FRAS1: variants seen among roughly 807,000 people sequenced by gnomAD.
FRAS1 encodes Fraser extracellular matrix complex subunit 1.
FRAS1 carries 290 observed loss-of-function variants against 435.2 expected under a neutral mutation model. The ratio of observed to expected loss-of-function variants is 0.67; its 90% CI spans 0.61 to 0.73. FRAS1 has a LOEUF of 0.73. FRAS1 is among the 30% of genes least tolerant of loss of function. The pLI, the probability that FRAS1 is intolerant of heterozygous loss-of-function variation, is 0.00. For missense variants in FRAS1, 4,860 were observed against 5,001.5 expected, an observed-to-expected ratio of 0.97 and a Z score of 0.85; for synonymous variants, 1,800 against 1,851.0, an observed-to-expected ratio of 0.97 and a Z score of 0.71.
chr4:78,482,634 C>G, intron 58 of FRAS1, 99 bp downstream of exon 58: 1 of 1,279,664 alleles, frequency 7.8e-7, no homozygotes, highest in Non-Finnish European at 1.1e-6. Flanking sequence ...CATTTTCATT[C>G]AAGAAATATG....
In FRAS1 at chr4:78,450,284, G is replaced by T. The variant is rs753066718; in HGVS notation, c.6408G>T (p.Glu2136Asp). Residue 2136 changes from glutamate to aspartate, a missense_variant, in exon 45 of 74, where the codon GAG becomes GAT. By Grantham distance (45) the Glu-to-Asp change is conservative. Coordinates refer to ENST00000512123, the MANE Select transcript of FRAS1 (RefSeq NM_025074.7). ...AGATGATGAAGCATGGCAACCTGGA[G>T]CAAATTTCTATTAAAGGCCCCATCC... ...RLQMMKHGNL[E>D]QISIKGPIRS... The T allele has an allele frequency of 1.2e-6, 2 of 1,613,868 alleles. No homozygotes were observed. Among genetic ancestry groups the T allele is most frequent in the South Asian group, 2.2e-5 (2 of 91,078 alleles).
intron 14 of FRAS1, among the ~76,000 whole-genome samples, chr4:78,295,757 T>G (rs1394161610): frequency 6.6e-6 from 1 of 151,930 alleles, no homozygotes. Flanking sequence ...TCTTTTTTTT[T>G]TTTTTTAGAT....
intron 2 of FRAS1, chr4:78,181,393 A>G: frequency 2.5e-6 from 4 of 1,611,876 alleles, no homozygotes; most frequent in Non-Finnish European, 3.4e-6. Context: ...GAGATCCGCT[A>G]CCTCCACGTT....
rs777810320 is a variant in FRAS1, at chr4:78,464,472, C to A, written c.6918C>A (p.His2306Gln). The stretch of plus-strand genomic sequence containing the variant: ...CTCAGACTTTCCATATCACTCTTCA[C>A]CCTGTCGATGATTCGCTGCCCGTCG... Reference protein sequence around the residue: ...EVTQTFHITLHPVDDSLPVVQ... With the variant: ...EVTQTFHITLQPVDDSLPVVQ... Residue 2306 changes from histidine to glutamine, a missense_variant, in exon 49 of 74, where the codon CAC becomes CAA. By Grantham distance (24) the His-to-Gln change is conservative (BLOSUM62 0). Coordinates refer to ENST00000512123, the MANE Select transcript of FRAS1 (RefSeq NM_025074.7). 4.3e-6 allele frequency: 7 copies of A among 1,613,908 alleles called. No homozygotes were observed. The South Asian group carries it at 6.6e-5, about 15-fold the overall frequency.
chr4:78,090,083 G>GTTT (rs11419507), intron 2 of FRAS1, among the ~76,000 whole-genome samples: 1 of 152,030 alleles, frequency 6.6e-6, no homozygotes, highest in South Asian at 2.1e-4. Context: ...TTGCAAACTT[G>GTTT]TGACTGAGAA....
rs369759058 is a variant in FRAS1, at chr4:78,438,622, C to T, written c.5270C>T (p.Ser1757Leu). Reference sequence around the variant, plus strand: ...TGGATTCAGTTAAATTATCTGCCCTCATATGGTACTCTCTTAAGAATCTCA... The same window carrying T: ...TGGATTCAGTTAAATTATCTGCCCTTATATGGTACTCTCTTAAGAATCTCA... ...EIWIQLNYLP[S>L]YGTLLRISGS... Residue 1757 changes from serine to leucine, a missense_variant, in exon 39 of 74, where the codon TCA (serine) becomes TTA (leucine). Ser to Leu is a moderately radical substitution (Grantham distance 145, BLOSUM62 -2). Transcript: ENST00000512123. The T allele has an allele frequency of 6.2e-7, 1 of 1,613,772 alleles. No homozygotes were observed. Among genetic ancestry groups the T allele is most frequent in the Non-Finnish European group, 8.5e-7 (1 of 1,179,722 alleles).
intron 59 of FRAS1, among the ~76,000 whole-genome samples, chr4:78,489,604 T>C (rs1720280574): frequency 6.6e-6 from 1 of 152,206 alleles, no homozygotes; most frequent in African/African-American, 2.4e-5. Context: ...ACAATATTTT[T>C]AATGATGTCA....
intron 16 of FRAS1, among the ~76,000 whole-genome samples, chr4:78,316,812 A>C (rs528271581): frequency 3.9e-5 from 6 of 152,360 alleles, no homozygotes; most frequent in African/African-American, 1.4e-4. Flanking sequence ...CACTGTGCTC[A>C]TGCCAAGAAA....
At chr4:78,393,378 ATATCT>A (rs1732528468) in intron 29 of FRAS1, among the ~76,000 whole-genome samples, 1 of 148,644 alleles carries the variant, frequency 6.7e-6, no homozygotes. Flanking sequence ...GTTACATAAA[ATATCT>A]TATAATAGTC....
chr4:78,482,389 A>G lies in FRAS1; in HGVS notation c.8606A>G (p.Tyr2869Cys). 1.2e-6 allele frequency: 2 copies of G among 1,613,724 alleles called. No homozygotes were observed. The highest frequency in any genetic ancestry group is 8.5e-7 in the Non-Finnish European group (1 of 1,179,778). ...VEFGPGVIEQ[Y>C]CTLTILDDTQ... ...AGTTTGCTTTGGTTTCTCTTCTAGT[A>G]TTGCACCTTGACTATCTTGGATGAC... Residue 2869 changes from tyrosine (Y) to cysteine (C), a missense_variant and splice_region_variant, in exon 58 of 74, where the codon TAT (tyrosine) becomes TGT (cysteine). Physicochemically the swap from Tyr to Cys is radical, Grantham distance 194 (BLOSUM62 -2). Transcript: ENST00000512123.
intron 2 of FRAS1, among the ~76,000 whole-genome samples, chr4:78,198,567 G>A (rs189155292): frequency 6.6e-6 from 1 of 152,286 alleles, no homozygotes; most frequent in Admixed American, 6.5e-5. Flanking sequence ...TGCTCTCTCT[G>A]GTTCATAGCT....
At chr4:78,178,701 C>A (rs149454256) in intron 2 of FRAS1, among the ~76,000 whole-genome samples, 15 of 152,286 alleles carry the variant, frequency 9.8e-5, no homozygotes, top group African/African-American at 2.9e-4. Flanking sequence ...CTGGACATTT[C>A]CATTTGCCCC....
chr4:78,195,708 C>A (rs907487827), intron 2 of FRAS1, among the ~76,000 whole-genome samples: 6 of 152,134 alleles, frequency 3.9e-5, no homozygotes, highest in Non-Finnish European at 7.3e-5. Flanking sequence ...TTCCCCTGAC[C>A]CCTTGCGCTT....
intron 72 of FRAS1, among the ~76,000 whole-genome samples, chr4:78,537,787 T>G (rs11933879): frequency 0.15 from 23,481 of 151,670 alleles, 2,035 homozygotes; most frequent in Non-Finnish European, 0.21. Context: ...TACAAAAAAA[T>G]ATTTGAAAAT....
At position 78,255,224 on chromosome 4, in the gene FRAS1, G is replaced by A; in HGVS notation, c.470-18G>A. ...AAATGCCATCCCCCTAGTAATCCTT[G>A]TTTCTTTGACCTTCCAGAACCCTGT... is the stretch of plus-strand genomic sequence containing the variant. On this transcript the variant is annotated intron_variant, in intron 5 of 73. Coordinates refer to ENST00000512123, the MANE Select transcript of FRAS1 (RefSeq NM_025074.7). The A allele has an allele frequency of 6.4e-7, 1 of 1,551,632 alleles. No homozygotes were observed. Among genetic ancestry groups the A allele is most frequent in the Non-Finnish European group, 8.7e-7 (1 of 1,146,922 alleles).
intron 53 of FRAS1, among the ~76,000 whole-genome samples, chr4:78,475,181 C>G (rs959345202): frequency 5.9e-5 from 9 of 152,190 alleles, no homozygotes; most frequent in African/African-American, 2.2e-4. Flanking sequence ...CTGTCCATCT[C>G]CCAAAATGAC....
intron 5 of FRAS1, 133 bp downstream of exon 5, chr4:78,252,684 A>T: frequency 1.2e-6 from 1 of 865,864 alleles, no homozygotes; most frequent in Non-Finnish European, 1.8e-6. Context: ...GAGAAATAGA[A>T]AGAGTACAAA....
intron 2 of FRAS1, among the ~76,000 whole-genome samples, chr4:78,144,936 C>G (rs548852273): frequency 6.6e-6 from 1 of 151,994 alleles, no homozygotes; most frequent in African/African-American, 2.4e-5. Context: ...TTCTTATAAC[C>G]AAATTTTTGT....
intron 6 of FRAS1, among the ~76,000 whole-genome samples, chr4:78,262,851 T>C (rs969000482): frequency 1.3e-5 from 2 of 152,130 alleles, no homozygotes; most frequent in African/African-American, 4.8e-5. Flanking sequence ...TTGGCAAACT[T>C]TTTCCATAAA....
Sources: gnomAD v4.1 joint callset for allele counts (sites outside exome capture counted in the v4.1 genomes callset) on GRCh38, gnomAD v4.1.1 for gene constraint, MANE v1.5 for transcripts, NCBI Gene and HGNC (gene_info 2026-07-23, HGNC 2026-07-21) for gene names.